Variants in CEP162 observed in about 807,000 individuals in gnomAD.
CEP162 encodes centrosomal protein of 162 kDa.
In CEP162, 141 loss-of-function variants were observed where a neutral mutation model predicts 169.2. That is an observed-to-expected ratio of 0.83 (90% CI 0.73 to 0.96). The LOEUF is 0.96. CEP162 is among the 40% of genes least tolerant of loss of function. CEP162 has a pLI of 0.00. For synonymous variants in CEP162, 540 were observed against 526.4 expected (o/e 1.03, Z -0.35); for missense variants, 1,600 against 1,587.2 (o/e 1.01, Z -0.14).
intron 21 of CEP162, among the ~76,000 whole-genome samples, chr6:84,160,384 GA>G (rs1299255972): frequency 6.6e-6 from 1 of 152,148 alleles, no homozygotes; most frequent in Non-Finnish European, 1.5e-5. Flanking sequence ...AGCTCTTTGG[GA>G]AGCTGAATGT....
intron 9 of CEP162, among the ~76,000 whole-genome samples, chr6:84,198,226 T>A (rs1044486392): frequency 1.3e-5 from 2 of 152,168 alleles, no homozygotes; most frequent in African/African-American, 4.8e-5. Context: ...TTCTTAAACC[T>A]AGTTCACATA....
At chr6:84,135,385 T>C (rs1211414110) in intron 25 of CEP162, among the ~76,000 whole-genome samples, 2 of 152,176 alleles carry the variant, frequency 1.3e-5, no homozygotes, top group East Asian at 3.9e-4. Flanking sequence ...AAGACAGATA[T>C]CACTGACTGC....
intron 3 of CEP162, chr6:84,219,353 T>C: frequency 2.7e-6 from 1 of 370,138 alleles, no homozygotes; most frequent in South Asian, 2.2e-5. Context: ...TCTTTACTTC[T>C]TTTACTAATC....
chr6:84,125,544 T>G (rs139618670), intron 26 of CEP162, among the ~76,000 whole-genome samples: 1 of 152,212 alleles, frequency 6.6e-6, no homozygotes, highest in South Asian at 2.1e-4. Flanking sequence ...ATAATGAATG[T>G]TAAATGAGAT....
At chr6:84,182,363 C>T (rs971486055) in intron 13 of CEP162, among the ~76,000 whole-genome samples, 4 of 150,934 alleles carry the variant, frequency 2.7e-5, no homozygotes, top group Admixed American at 2.6e-4. Context: ...TATTTTTGTC[C>T]TTTCATGGCA....
rs566465512 is a variant in CEP162 at position 84,174,696 on chromosome 6, T to C, written c.2025+31A>G. On this transcript the variant is annotated intron_variant, in intron 15 of 26. Coordinates refer to ENST00000403245, the MANE Select transcript of CEP162 (RefSeq NM_014895.4). ...CAGCTTTTTTTTTTTTTAATAAATA[T>C]AAAAAAATACCAGAACAATGTATCT... The C allele has an allele frequency of 1.8e-5, 18 of 1,025,360 alleles. No individual in the cohort carries two copies. The South Asian group carries it at 2.9e-4, about 17-fold the overall frequency. The allele number at this position is 1,025,360 out of a possible 1,614,324, so 63.5% of individuals were successfully genotyped here. A position where few individuals can be genotyped will look rare whatever the true frequency, so the allele number is the denominator to read the frequency against.
chr6:84,227,124 C>T (rs980854334), intron 1 of CEP162, among the ~76,000 whole-genome samples: 7 of 152,254 alleles, frequency 4.6e-5, no homozygotes, highest in African/African-American at 1.4e-4. Flanking sequence ...TGATTTGCAA[C>T]GGAAAGCGTT....
At chr6:84,196,848 C>T (rs2099542368) in intron 9 of CEP162, among the ~76,000 whole-genome samples, 1 of 152,062 alleles carries the variant, frequency 6.6e-6, no homozygotes, top group Non-Finnish European at 1.5e-5. Context: ...GTCCCCATGG[C>T]TACATGAAGT....
chr6:84,177,748 G>A (rs1165925814), intron 13 of CEP162, among the ~76,000 whole-genome samples: 5 of 152,132 alleles, frequency 3.3e-5, no homozygotes, highest in Non-Finnish European at 5.9e-5. Flanking sequence ...TGTTGGCCAG[G>A]CTGGTCTCGA....
chr6:84,162,712 C>G (rs2099526268), intron 19 of CEP162, among the ~76,000 whole-genome samples: 1 of 152,106 alleles, frequency 6.6e-6, no homozygotes, highest in Non-Finnish European at 1.5e-5. Flanking sequence ...GTATTCTTAC[C>G]TTACTCCCCT....
intron 6 of CEP162, among the ~76,000 whole-genome samples, chr6:84,211,526 C>CAAAAAAAAAAAA (rs960472453): frequency 2.8e-5 from 1 of 35,576 alleles, no homozygotes; most frequent in African/African-American, 7.5e-5. Context: ...GATTCTATCT[C>CAAAAAAAAAAAA]AAAAAAAAAA....
At chr6:84,206,677 A>G (rs543764037) in intron 6 of CEP162, among the ~76,000 whole-genome samples, 53 of 152,354 alleles carry the variant, frequency 3.5e-4, no homozygotes, top group African/African-American at 1.2e-3. Flanking sequence ...CTTCATGTCT[A>G]AAACACCAAA....
chr6:84,185,596 T>C, intron 12 of CEP162, 148 bp from the exon 13 acceptor site: 1 of 657,824 alleles, frequency 1.5e-6, no homozygotes, highest in Non-Finnish European at 2.5e-6. Flanking sequence ...TCTTGAAGTC[T>C]AATGCATCAG....
intron 15 of CEP162, 141 bp downstream of exon 15, chr6:84,174,586 G>C: frequency 1.8e-6 from 1 of 562,816 alleles, no homozygotes; most frequent in Non-Finnish European, 3.0e-6. Flanking sequence ...AATCACTCTT[G>C]GAACCATTCT....
chr6:84,128,819 T>C (rs2099510005), intron 25 of CEP162, among the ~76,000 whole-genome samples: 1 of 152,102 alleles, frequency 6.6e-6, no homozygotes, highest in African/African-American at 2.4e-5. Context: ...ATTAGGTATT[T>C]CTCCTAATGC....
intron 19 of CEP162, among the ~76,000 whole-genome samples, chr6:84,162,489 CT>C (rs1254113134): frequency 6.6e-6 from 1 of 152,142 alleles, no homozygotes; most frequent in Non-Finnish European, 1.5e-5. Context: ...AAGATCCTAT[CT>C]TTTGCAAACA....
chr6:84,167,327 C>T (rs2099528212), intron 18 of CEP162, among the ~76,000 whole-genome samples: 1 of 152,170 alleles, frequency 6.6e-6, no homozygotes, highest in African/African-American at 2.4e-5. Flanking sequence ...TAATTTCCAG[C>T]ATATTTCATT....
chr6:84,205,241 T>G (rs938871500), intron 6 of CEP162, among the ~76,000 whole-genome samples: 3 of 152,160 alleles, frequency 2.0e-5, no homozygotes, highest in Admixed American at 2.0e-4. Flanking sequence ...AGCATCATCC[T>G]GATACCAAAG....
chr6:84,209,396 C>T (rs1179810944), intron 6 of CEP162, among the ~76,000 whole-genome samples: 7 of 146,344 alleles, frequency 4.8e-5, no homozygotes, highest in East Asian at 4.0e-4. Context: ...TTTCTTGAGA[C>T]GGAGTTTTGC....
Sources: gnomAD v4.1 joint callset for allele counts (sites outside exome capture counted in the v4.1 genomes callset) on GRCh38, gnomAD v4.1.1 for gene constraint, MANE v1.5 for transcripts, NCBI Gene and HGNC (gene_info 2026-07-23, HGNC 2026-07-21) for gene names.